The following MAPK4 variants were observed in gnomAD, a reference collection of about 807,000 sequenced individuals.
The protein encoded by MAPK4 is Erk3-related.
In MAPK4, 22 loss-of-function variants were observed where a neutral mutation model predicts 47.7. The observed-to-expected ratio is 0.46, with a 90% CI of 0.33 to 0.66. The LOEUF is 0.66. Among genes scored for constraint, MAPK4 ranks in the 30% least tolerant of loss-of-function variants. The pLI, the probability that MAPK4 is intolerant of heterozygous loss-of-function variation, is 0.02. For synonymous variants in MAPK4, 390 were observed against 365.7 expected, an observed-to-expected ratio of 1.07 and a Z score of -0.76; for missense variants, 736 against 831.7, an observed-to-expected ratio of 0.88 and a Z score of 1.42.
At position 50,696,618 on chromosome 18, in the gene MAPK4, G is replaced by A. The variant is rs188902668; in HGVS notation, c.547-18461G>A. Among the ~76,000 whole-genome samples, 77 of 152,336 alleles carry A rather than the reference G, an allele frequency of 5.1e-4. 1 individual carries two copies. In the Middle Eastern group the frequency reaches 0.02, roughly 40 times the overall value. ...AACCCAGAGAACCCCCTCATCTTCC[G>A]GCTGAAAGCCAGAGCCTCAGCTGGT... On this transcript the variant is annotated intron_variant, in intron 2 of 5. Coordinates refer to ENST00000400384, the MANE Select transcript of MAPK4 (RefSeq NM_002747.4).
At chr18:50,652,686 G>A (rs577243943) in intron 1 of MAPK4, among the ~76,000 whole-genome samples, 1 of 152,252 alleles carries the variant, frequency 6.6e-6, no homozygotes, top group South Asian at 2.1e-4. Context: ...AGAATAGAGC[G>A]ATGCACATGA....
intron 3 of MAPK4, among the ~76,000 whole-genome samples, chr18:50,716,692 G>A (rs1277910231): frequency 6.6e-6 from 1 of 152,076 alleles, no homozygotes; most frequent in East Asian, 1.9e-4. Context: ...CCTCCTGGCT[G>A]ACCTCTCTTC....
In MAPK4 at chr18:50,695,538, G is replaced by A. The variant is rs940587330; in HGVS notation, c.547-19541G>A. 7.9e-5 allele frequency among the ~76,000 whole-genome samples: 12 copies of A among 152,004 alleles called. No individual in the cohort carries two copies. In the South Asian group the frequency reaches 1.2e-3, roughly 16 times the overall value. On this transcript the variant is annotated intron_variant, in intron 2 of 5. Transcript: ENST00000400384. ...CTGGAGGGCATTCCGAGGACAGGGC[G>A]CTTGACGTGAGCCTTGTGGGTTGTC...
At chr18:50,585,103 C>T (rs2042377370) in intron 1 of MAPK4, among the ~76,000 whole-genome samples, 2 of 152,318 alleles carry the variant, frequency 1.3e-5, no homozygotes, top group South Asian at 4.1e-4. Context: ...TTTAGGTTCT[C>T]AATCTACAGG....
At chr18:50,564,329 G>C (rs114709743) in intron 1 of MAPK4, among the ~76,000 whole-genome samples, 1 of 152,100 alleles carries the variant, frequency 6.6e-6, no homozygotes, top group Non-Finnish European at 1.5e-5. Flanking sequence ...TTTGTTATGG[G>C]GAGCTGTCCT....
intron 1 of MAPK4, among the ~76,000 whole-genome samples, chr18:50,655,164 C>T (rs2043095121): frequency 6.6e-6 from 1 of 152,236 alleles, no homozygotes; most frequent in Non-Finnish European, 1.5e-5. Flanking sequence ...TGGGTGGCAT[C>T]ACTGCCTCCC....
intron 1 of MAPK4, chr18:50,629,805 TC>T (rs2042812629): frequency 6.6e-6 from 1 of 152,122 alleles, no homozygotes; most frequent in Admixed American, 6.5e-5. Context: ...ATTTAAGAAA[TC>T]ACCTGGAGGC....
Position 50,664,163 on chromosome 18 carries a change from A to G in MAPK4, c.205A>G (p.Ile69Val), listed in dbSNP as rs768671292. The change falls in exon 2 of 6, where the codon ATT becomes GTT. Residue 69 changes from isoleucine to valine, a missense_variant. Physicochemically the swap from Ile to Val is conservative, Grantham distance 29 (BLOSUM62 3). Coordinates refer to ENST00000400384, the MANE Select transcript of MAPK4 (RefSeq NM_002747.4). This position sits in a 1 kb window ranked among gnomAD's most constrained non-coding sequence, Gnocchi z 6.0. ...GCACGCGCTCCGAGAGATCAAGATC[A>G]TTCGGCGCCTGGACCACGACAACAT... ...MKHALREIKI[I>V]RRLDHDNIVK... 18 of 1,614,182 alleles carry G rather than the reference A, an allele frequency of 1.1e-5. No individual in the cohort carries two copies. In the South Asian group the frequency reaches 2.0e-4, roughly 18 times the overall value.
chr18:50,687,780 G>A (rs1908967459), intron 2 of MAPK4, among the ~76,000 whole-genome samples: 1 of 152,176 alleles, frequency 6.6e-6, no homozygotes, highest in Non-Finnish European at 1.5e-5. Context: ...TCTGGGCCAC[G>A]TGTCTGCTTG....
chr18:50,701,936 G>A (rs773254256), intron 2 of MAPK4, among the ~76,000 whole-genome samples: 3 of 151,966 alleles, frequency 2.0e-5, no homozygotes, highest in Non-Finnish European at 4.4e-5. Context: ...CAGGTGGATC[G>A]AATCACTTGA....
rs192505893 is a variant in MAPK4 at position 50,649,448 on chromosome 18, C to T, written c.-870-13641C>T. ...GTGAGGGTTCTGTCCCCTCCTGCCA[C>T]GCTCAATGACAACATCCTCACTTGG... On this transcript the variant is annotated intron_variant, in intron 1 of 5. Transcript: ENST00000400384. 3.0e-3 allele frequency among the ~76,000 whole-genome samples: 455 copies of T among 152,254 alleles called. 1 individual carries two copies. The highest frequency in any genetic ancestry group is 0.01 in the African/African-American group (433 of 41,548).
intron 1 of MAPK4, among the ~76,000 whole-genome samples, chr18:50,661,442 A>C: frequency 6.6e-6 from 1 of 152,352 alleles, no homozygotes; most frequent in Middle Eastern, 3.4e-3. Context: ...TTATCCATTC[A>C]TCAGATGGAT....
At chr18:50,637,573 C>A (rs35473627) in intron 1 of MAPK4, among the ~76,000 whole-genome samples, 24,431 of 152,266 alleles carry the variant, frequency 0.16, 2,006 homozygotes, top group Non-Finnish European at 0.18. Flanking sequence ...CAGGCTACTT[C>A]TATGCACCTG....
In MAPK4 at chr18:50,729,652, C is replaced by G. The variant is rs555824518; in HGVS notation, c.1562C>G (p.Ser521Trp). The G allele has an allele frequency of 6.6e-7, 1 of 1,512,358 alleles. No homozygotes were observed. Among genetic ancestry groups the G allele is most frequent in the East Asian group, 2.6e-5 (1 of 38,440 alleles). The allele number at this position is 1,512,358 out of a possible 1,614,324, so 93.7% of individuals were successfully genotyped here. A position where few individuals can be genotyped will look rare whatever the true frequency, so the allele number is the denominator to read the frequency against. The change falls in exon 6 of 6, where the codon TCG becomes TGG. Residue 521 changes from serine to tryptophan, a missense_variant. Physicochemically the swap from Ser to Trp is radical, Grantham distance 177 (BLOSUM62 -3). Coordinates refer to ENST00000400384, the MANE Select transcript of MAPK4 (RefSeq NM_002747.4). ...ADDPERRLSA[S>W]PPGRPAPVDG... ...GACCCCGAGCGCCGCTTGTCTGCCT[C>G]GCCCCCCGGCCGCCCGGCCCCGGTG...
chr18:50,632,314 G>T (rs1352698983), intron 1 of MAPK4, among the ~76,000 whole-genome samples: 1 of 152,260 alleles, frequency 6.6e-6, no homozygotes. Flanking sequence ...TCAGTGAGGG[G>T]AGGCCAATTT....
intron 2 of MAPK4, among the ~76,000 whole-genome samples, chr18:50,695,738 C>A (rs1264424367): frequency 6.6e-6 from 1 of 152,178 alleles, no homozygotes; most frequent in African/African-American, 2.4e-5. Context: ...AGAAATAAGG[C>A]TGCAGGATTT....
intron 1 of MAPK4, among the ~76,000 whole-genome samples, chr18:50,638,814 A>G (rs571567609): frequency 3.9e-5 from 6 of 152,280 alleles, no homozygotes; most frequent in Non-Finnish European, 5.9e-5. Context: ...GCACTAAGCA[A>G]TGTCCTTGTG....
At position 50,640,382 on chromosome 18, in the gene MAPK4, C is replaced by CAA. The variant is rs34039185; in HGVS notation, c.-870-22690_-870-22689dup. The stretch of plus-strand genomic sequence containing the variant: ...GTCCCCAGGACATTCTTCTTGTTTA[C>CAA]AAAAAAAAAAAAAAAAAATTATATG... On this transcript the variant is annotated intron_variant, in intron 1 of 5. Coordinates refer to ENST00000400384, the MANE Select transcript of MAPK4 (RefSeq NM_002747.4). 5.3e-3 allele frequency among the ~76,000 whole-genome samples: 680 copies of CAA among 128,816 alleles called. 5 individuals carry two copies. Among genetic ancestry groups the CAA allele is most frequent in the South Asian group, 0.022 (92 of 4,204 alleles). The allele number at this position is 128,816 out of a possible 152,430, so 84.5% of individuals were successfully genotyped here.
Position 50,610,761 on chromosome 18 carries a change from T to C in MAPK4, c.-871+50518T>C, listed in dbSNP as rs2042625861. ...ATGGTGTGCAGGGAGCGAATGATAC[T>C]CCCATTTACCCCCTCTCCTGGGCTT... On this transcript the variant is annotated intron_variant, in intron 1 of 5. Transcript: ENST00000400384. 2.0e-5 allele frequency among the ~76,000 whole-genome samples: 3 copies of C among 152,138 alleles called. 1 individual carries two copies. In the South Asian group the frequency reaches 6.2e-4, roughly 32 times the overall value.
Sources: gnomAD v4.1 joint callset for allele counts (sites outside exome capture counted in the v4.1 genomes callset) on GRCh38, gnomAD v4.1.1 for gene constraint, Gnocchi (gnomAD v3.1) non-coding constraint, MANE v1.5 for transcripts, NCBI Gene and HGNC (gene_info 2026-07-23, HGNC 2026-07-21) for gene names.